Variants in FUT9 observed in about 807,000 individuals in gnomAD.
FUT9 encodes the protein 4-galactosyl-N-acetylglucosaminide 3-alpha-L-fucosyltransferase 9.
Under a neutral mutation model 29.7 loss-of-function variants are expected in FUT9, and 15 were observed. That is an observed-to-expected ratio of 0.51 (90% CI 0.34 to 0.78). FUT9 has a LOEUF of 0.78. FUT9 is among the 30% of genes least tolerant of loss of function. The probability of loss-of-function intolerance (pLI) is 0.01; values close to 1 mark genes in which losing one functional copy is unlikely to be tolerated. For synonymous variants in FUT9, 169 were observed against 153.7 expected, an observed-to-expected ratio of 1.10 and a Z score of -0.74; for missense variants, 319 against 425.4, an observed-to-expected ratio of 0.75 and a Z score of 2.20.
intron 1 of FUT9, among the ~76,000 whole-genome samples, chr6:96,068,082 G>A (rs1770993504): frequency 6.6e-6 from 1 of 151,916 alleles, no homozygotes; most frequent in South Asian, 2.1e-4. Flanking sequence ...TGATTTTGAA[G>A]AAAATATAAT....
chr6:96,105,280 A>G (rs571896308), intron 1 of FUT9, among the ~76,000 whole-genome samples: 36 of 152,236 alleles, frequency 2.4e-4, no homozygotes, highest in Non-Finnish European at 1.5e-4. Context: ...TAAACCATGT[A>G]TTATTAACAC....
chr6:96,204,322 T>G lies in FUT9; in HGVS notation c.*87T>G, dbSNP rs1773787527. 3.2e-6 allele frequency: 3 copies of G among 925,844 alleles called. No homozygotes were observed. The highest frequency in any genetic ancestry group is 2.8e-5 in the Admixed American group (1 of 35,498). 57.4% of individuals were successfully genotyped at this position (925,844 alleles called of 1,614,324 possible). ...ATAAGAAGAGATGCAACATACTACT[T>G]TTGTGTCACAATTTATTTTTATCAC... On this transcript the variant is annotated 3_prime_UTR_variant, in exon 3 of 3. Coordinates refer to ENST00000302103, the MANE Select transcript of FUT9 (RefSeq NM_006581.4).
intron 1 of FUT9, among the ~76,000 whole-genome samples, chr6:96,058,375 G>A (rs1248241152): frequency 6.9e-6 from 1 of 144,428 alleles, no homozygotes; most frequent in African/African-American, 2.6e-5. Flanking sequence ...TGTTGGGGAA[G>A]TCATGAAAGA....
intron 1 of FUT9, among the ~76,000 whole-genome samples, chr6:96,057,284 T>C (rs1318351571): frequency 1.3e-5 from 2 of 152,192 alleles, no homozygotes; most frequent in Non-Finnish European, 2.9e-5. Context: ...CATGCTTCAA[T>C]ACCTAGAAGA....
At chr6:96,068,993 A>G (rs1052256234) in intron 1 of FUT9, among the ~76,000 whole-genome samples, 1 of 152,222 alleles carries the variant, frequency 6.6e-6, no homozygotes, top group Non-Finnish European at 1.5e-5. Flanking sequence ...ATAGGATTCT[A>G]TTTACAGAAA....
intron 1 of FUT9, among the ~76,000 whole-genome samples, chr6:96,020,524 T>C (rs1173528954): frequency 2.0e-5 from 3 of 152,074 alleles, no homozygotes; most frequent in Non-Finnish European, 2.9e-5. Flanking sequence ...CACTTTTAGC[T>C]TTCTCTTCAC....
chr6:96,198,180 A>G (rs1773661347), intron 2 of FUT9, among the ~76,000 whole-genome samples: 1 of 151,602 alleles, frequency 6.6e-6, no homozygotes, highest in Non-Finnish European at 1.5e-5. Flanking sequence ...GGTTAGTTAC[A>G]TATGTATACA....
intron 1 of FUT9, among the ~76,000 whole-genome samples, chr6:96,077,768 T>C (rs1179038108): frequency 6.6e-6 from 1 of 152,242 alleles, no homozygotes; most frequent in Non-Finnish European, 1.5e-5. Context: ...TTATGTGATA[T>C]CAACTTTAAT....
chr6:96,184,512 T>C (rs1419706857), intron 2 of FUT9, among the ~76,000 whole-genome samples: 3 of 152,092 alleles, frequency 2.0e-5, no homozygotes, highest in African/African-American at 4.8e-5. Context: ...TGGTTTGTTA[T>C]TGTTTCTCTA....
chr6:96,026,820 T>C (rs1378187049), intron 1 of FUT9, among the ~76,000 whole-genome samples: 1 of 151,646 alleles, frequency 6.6e-6, no homozygotes, highest in Non-Finnish European at 1.5e-5. Flanking sequence ...AACATCATAT[T>C]GGCCTTATAT....
chr6:96,100,962 T>A (rs1771576533), intron 1 of FUT9, among the ~76,000 whole-genome samples: 1 of 152,132 alleles, frequency 6.6e-6, no homozygotes, highest in Non-Finnish European at 1.5e-5. Flanking sequence ...TTAGGAGGCA[T>A]CAGGATTAAA....
intron 1 of FUT9, among the ~76,000 whole-genome samples, chr6:96,110,502 C>A (rs1250062342): frequency 6.6e-6 from 1 of 152,094 alleles, no homozygotes; most frequent in African/African-American, 2.4e-5. Flanking sequence ...CCCTGAGCAT[C>A]CCCTCAACTT....
intron 1 of FUT9, among the ~76,000 whole-genome samples, chr6:96,075,209 A>G (rs1463576803): frequency 6.6e-6 from 1 of 152,200 alleles, no homozygotes; most frequent in Non-Finnish European, 1.5e-5. Context: ...CACATAAATC[A>G]GAAATACAAC....
chr6:96,109,015 T>A (rs2127959851), intron 1 of FUT9, among the ~76,000 whole-genome samples: 1 of 152,286 alleles, frequency 6.6e-6, no homozygotes, highest in African/African-American at 2.4e-5. Context: ...AAAAAAAGCT[T>A]AAAGACCAGT....
chr6:96,069,964 A>C (rs1009780330), intron 1 of FUT9, among the ~76,000 whole-genome samples: 13 of 152,196 alleles, frequency 8.5e-5, no homozygotes, highest in East Asian at 1.9e-4. Context: ...AGCTAAAAAA[A>C]CACACAAAAT....
Position 96,204,359 on chromosome 6 carries a change from T to C in FUT9, c.*124T>C, listed in dbSNP as rs139604379. 6,190 of 618,264 alleles carry C rather than the reference T, an allele frequency of 0.01. 48 individuals are homozygous for C. The highest frequency in any genetic ancestry group is 0.017 in the Admixed American group (513 of 29,554). The allele number at this position is 618,264 out of a possible 1,614,324, so 38.3% of individuals were successfully genotyped here. A position where few individuals can be genotyped will look rare whatever the true frequency, so the allele number is the denominator to read the frequency against. ...TTTATTTTTATCACCCTCTCTAGGG[T>C]AACGTGTATATTTTGGTGGAGATTT... On this transcript the variant is annotated 3_prime_UTR_variant, in exon 3 of 3. Transcript: ENST00000302103.
At chr6:96,115,589 G>A (rs963730631) in intron 2 of FUT9, among the ~76,000 whole-genome samples, 2 of 152,126 alleles carry the variant, frequency 1.3e-5, no homozygotes, top group African/African-American at 4.8e-5. Context: ...TGTATTTCAA[G>A]TGCTCAGCTG....
intron 1 of FUT9, among the ~76,000 whole-genome samples, chr6:96,062,431 GA>G (rs1770891862): frequency 6.6e-6 from 1 of 152,004 alleles, no homozygotes; most frequent in African/African-American, 2.4e-5. Context: ...GTAAATAATT[GA>G]ATGAGAAAAC....
rs140861193 is a variant in FUT9, at chr6:96,191,059, T to C, written c.-8-12089T>C. ...GGTTTTCTCTACCTTTGGTCTTTGATGATGGTGACATACAGATGGGGTTTT... is the reference window on the plus strand; with the variant it reads ...GGTTTTCTCTACCTTTGGTCTTTGACGATGGTGACATACAGATGGGGTTTT... On this transcript the variant is annotated intron_variant, in intron 2 of 2. Transcript: ENST00000302103. 2.8e-3 allele frequency among the ~76,000 whole-genome samples: 434 copies of C among 152,288 alleles called. 11 individuals carry two copies. In the East Asian group the frequency reaches 0.044, roughly 15 times the overall value.
Sources: allele counts gnomAD v4.1 joint callset (sites outside exome capture counted in the v4.1 genomes callset), GRCh38; gene constraint gnomAD v4.1.1; transcripts MANE v1.5; gene names NCBI Gene and HGNC (gene_info 2026-07-23, HGNC 2026-07-21).